The following CPED1 variants were observed in gnomAD, a reference collection of about 807,000 sequenced individuals.
The protein encoded by CPED1 is cadherin-like and PC-esterase domain-containing protein 1.
Under a neutral mutation model 128.2 loss-of-function variants are expected in CPED1, and 114 were observed. The ratio of observed to expected loss-of-function variants is 0.89; its 90% CI spans 0.76 to 1.04. The LOEUF is 1.04. CPED1 is among the 50% of genes least tolerant of loss of function. The pLI is 0.00. For missense variants in CPED1, 1,211 were observed against 1,207.1 expected (o/e 1.00, Z -0.05); for synonymous variants, 462 against 426.7 (o/e 1.08, Z -1.02).
rs140560169 is a variant in CPED1, at chr7:121,124,354, C to T, written c.942C>T (p.Phe314=). The T allele has an allele frequency of 6.2e-7, 1 of 1,606,662 alleles. No homozygotes were observed. Among genetic ancestry groups the T allele is most frequent in the Non-Finnish European group, 8.5e-7 (1 of 1,176,656 alleles). ...AGCTGCAAACATTTTTTGAGACATT[C>T]CTGAGAGCCAGTTCACCTCAACAGG... The part of the protein sequence containing the change: ...TVKLQTFFET[F]LRASSPQQAF... Residue 314 remains phenylalanine, a synonymous_variant, in exon 8 of 23, where the codon TTC becomes TTT. Transcript: ENST00000310396.
chr7:121,101,431 T>C (rs1344395553), intron 7 of CPED1, among the ~76,000 whole-genome samples: 1 of 152,176 alleles, frequency 6.6e-6, no homozygotes, highest in East Asian at 1.9e-4. Flanking sequence ...TTTTGCTCAC[T>C]GTTTTTATTC....
At chr7:120,995,416 T>C (rs1384540745) in intron 2 of CPED1, among the ~76,000 whole-genome samples, 2 of 152,226 alleles carry the variant, frequency 1.3e-5, no homozygotes, top group African/African-American at 4.8e-5. Flanking sequence ...TCATTTCCTC[T>C]CTCTGATGAC....
chr7:121,050,426 T>A (rs1793315952), intron 4 of CPED1: 2 of 159,120 alleles, frequency 1.3e-5, no homozygotes, highest in Admixed American at 1.2e-4. Context: ...GAGGTCACAT[T>A]GGCATTAGTA....
At chr7:121,102,602 C>T (rs1365033480) in intron 7 of CPED1, among the ~76,000 whole-genome samples, 1 of 152,080 alleles carries the variant, frequency 6.6e-6, no homozygotes, top group Middle Eastern at 3.2e-3. Flanking sequence ...GAGTGAATGC[C>T]ACATGTGACC....
chr7:121,225,308 C>G (rs1274259807), intron 16 of CPED1, among the ~76,000 whole-genome samples: 1 of 152,184 alleles, frequency 6.6e-6, no homozygotes, highest in Non-Finnish European at 1.5e-5. Context: ...GGCCCCCACT[C>G]TCTTCTGGCT....
chr7:121,024,699 G>GA (rs1047138485), intron 3 of CPED1, among the ~76,000 whole-genome samples: 3 of 151,994 alleles, frequency 2.0e-5, no homozygotes, highest in African/African-American at 7.2e-5. Flanking sequence ...CTTTAAAATG[G>GA]AAAAAAGACT....
chr7:121,253,429 G>T lies in CPED1; in HGVS notation c.2310+9091G>T, dbSNP rs537840831. Among the ~76,000 whole-genome samples, 113 of 151,638 alleles carry T rather than the reference G, an allele frequency of 7.5e-4. No individual in the cohort carries two copies. The East Asian group carries it at 0.01, about 14-fold the overall frequency. ...TATACATATGTAACAAACCTGCATG[G>T]TGTGCACATGTACCCTAAAACTTAA... On this transcript the variant is annotated intron_variant, in intron 18 of 22. Coordinates refer to ENST00000310396, the MANE Select transcript of CPED1 (RefSeq NM_024913.5).
chr7:121,258,291 C>A (rs1791935448), intron 18 of CPED1, among the ~76,000 whole-genome samples: 1 of 151,990 alleles, frequency 6.6e-6, no homozygotes. Flanking sequence ...TCCAGGAGCA[C>A]ATATATGATC....
chr7:121,210,963 T>TA (rs915725767), intron 16 of CPED1, among the ~76,000 whole-genome samples: 56 of 151,752 alleles, frequency 3.7e-4, no homozygotes, highest in Middle Eastern at 3.4e-3. Context: ...CCCATAAAAA[T>TA]AAAAAAAATT....
At chr7:121,136,844 A>G (rs1435214598) in intron 14 of CPED1, among the ~76,000 whole-genome samples, 5 of 152,012 alleles carry the variant, frequency 3.3e-5, no homozygotes, top group Non-Finnish European at 4.4e-5. Context: ...TTGAGGTTAC[A>G]GTGTGCTATG....
At chr7:121,231,587 G>T (rs371453968) in intron 16 of CPED1, among the ~76,000 whole-genome samples, 10 of 152,038 alleles carry the variant, frequency 6.6e-5, no homozygotes, top group African/African-American at 9.7e-5. Context: ...GATTTTTGCC[G>T]GCGTCACTGA....
intron 16 of CPED1, among the ~76,000 whole-genome samples, chr7:121,199,691 AAAAAAAAAAGAAAG>A (rs1797348676): frequency 2.9e-5 from 4 of 140,328 alleles, no homozygotes; most frequent in South Asian, 2.3e-4. Flanking sequence ...AAAAAAAAAA[AAAAAAAAAAGAAAG>A]AAAGAAAGAA....
chr7:121,025,804 ATATAACCTC>A (rs1247649888), intron 3 of CPED1, among the ~76,000 whole-genome samples: 1 of 152,132 alleles, frequency 6.6e-6, no homozygotes, highest in African/African-American at 2.4e-5. Context: ...CCCTCAGGAG[ATATAACCTC>A]TAGATAAGGT....
intron 18 of CPED1, among the ~76,000 whole-genome samples, chr7:121,257,539 T>A (rs1791914063): frequency 1.3e-5 from 2 of 151,610 alleles, no homozygotes; most frequent in Non-Finnish European, 2.9e-5. Context: ...ATCACAGGAG[T>A]TAGCCAAAAA....
chr7:121,174,085 T>C (rs1300626355), intron 16 of CPED1, among the ~76,000 whole-genome samples: 1 of 152,106 alleles, frequency 6.6e-6, no homozygotes, highest in African/African-American at 2.4e-5. Context: ...TTGTTTTTCC[T>C]TGTAAATTTA....
intron 5 of CPED1, among the ~76,000 whole-genome samples, chr7:121,094,043 A>G (rs552746972): frequency 1.8e-4 from 27 of 152,266 alleles, no homozygotes; most frequent in African/African-American, 6.3e-4. Flanking sequence ...TTCTGATGTT[A>G]TATTTGCAGA....
intron 18 of CPED1, among the ~76,000 whole-genome samples, chr7:121,260,093 C>T (rs1458518064): frequency 1.3e-5 from 2 of 151,704 alleles, no homozygotes; most frequent in African/African-American, 2.4e-5. Flanking sequence ...ATGACTTACA[C>T]ATGATGCCCT....
At chr7:121,039,455 T>G (rs1324070686) in intron 3 of CPED1, among the ~76,000 whole-genome samples, 2 of 152,076 alleles carry the variant, frequency 1.3e-5, no homozygotes, top group Admixed American at 6.6e-5. Flanking sequence ...ACAACATGTT[T>G]CCTTTTATTG....
At chr7:121,250,938 A>G (rs1201457680) in intron 18 of CPED1, among the ~76,000 whole-genome samples, 1 of 152,240 alleles carries the variant, frequency 6.6e-6, no homozygotes, top group East Asian at 1.9e-4. Flanking sequence ...ATCAATAGAA[A>G]AAAAGGGAAT....
Sources: gnomAD v4.1 joint callset for allele counts (sites outside exome capture counted in the v4.1 genomes callset) on GRCh38, gnomAD v4.1.1 for gene constraint, MANE v1.5 for transcripts, NCBI Gene and HGNC (gene_info 2026-07-23, HGNC 2026-07-21) for gene names.